Variants in CNTN5 observed in about 807,000 individuals in gnomAD.
CNTN5 encodes contactin-5.
Under a neutral mutation model 129.1 loss-of-function variants are expected in CNTN5, and 77 were observed. The observed-to-expected ratio is 0.60, with a 90% confidence interval of 0.50 to 0.72. The LOEUF (loss-of-function observed/expected upper bound fraction) is 0.72. Among genes scored for constraint, CNTN5 ranks in the 30% least tolerant of loss-of-function variants. The pLI, the probability that CNTN5 is intolerant of heterozygous loss-of-function variation, is 0.00. For missense variants in CNTN5, 1,478 were observed against 1,328.8 expected (o/e 1.11, Z -1.75); for synonymous variants, 509 against 465.6 (o/e 1.09, Z -1.20).
chr11:99,071,341 G>C (rs1591141958), intron 1 of CNTN5, among the ~76,000 whole-genome samples: 1 of 152,040 alleles, frequency 6.6e-6, no homozygotes, highest in Non-Finnish European at 1.5e-5. Context: ...CCAGTGCTGA[G>C]AGTGATGAGG....
chr11:99,547,165 G>A (rs1225257002), intron 2 of CNTN5, among the ~76,000 whole-genome samples: 1 of 151,770 alleles, frequency 6.6e-6, no homozygotes, highest in Non-Finnish European at 1.5e-5. Flanking sequence ...CACCACACCC[G>A]GCTAATTTTG....
chr11:99,403,923 A>G (rs35586818), intron 2 of CNTN5, among the ~76,000 whole-genome samples: 113,321 of 152,010 alleles, frequency 0.75, 43,106 homozygotes, highest in African/African-American at 0.9. Flanking sequence ...TTTTCTGTCT[A>G]GAAGATTTGT....
intron 3 of CNTN5, among the ~76,000 whole-genome samples, chr11:99,747,192 G>A (rs866141966): frequency 6.6e-6 from 1 of 151,906 alleles, no homozygotes; most frequent in Non-Finnish European, 1.5e-5. Context: ...AAAAAATATT[G>A]CCTTCTTTAT....
At chr11:100,297,994 T>G (rs1951132420) in intron 19 of CNTN5, among the ~76,000 whole-genome samples, 1 of 151,536 alleles carries the variant, frequency 6.6e-6, no homozygotes, top group African/African-American at 2.4e-5. Context: ...TTGTGTCATT[T>G]TATCTATCTC....
At position 99,526,327 on chromosome 11, in the gene CNTN5, T is replaced by TA. The variant is rs1330225425; in HGVS notation, c.-70-29818_-70-29817insA. 3.9e-5 allele frequency among the ~76,000 whole-genome samples: 6 copies of TA among 152,306 alleles called. No individual in the cohort carries two copies. The East Asian group carries it at 1.2e-3, about 29-fold the overall frequency. ...GGAACAAGACCTACCAGCCACTGTG[T>TA]GGTCTCCTTTGATACTTAGAACAGC... On this transcript the variant is annotated intron_variant, in intron 2 of 24. Transcript: ENST00000524871.
intron 1 of CNTN5, among the ~76,000 whole-genome samples, chr11:99,301,694 A>C (rs1206476780): frequency 6.6e-6 from 1 of 151,814 alleles, no homozygotes; most frequent in Non-Finnish European, 1.5e-5. Context: ...GCAGAAGAGA[A>C]ACAAGAAAGT....
chr11:100,295,268 G>A (rs1255494205), intron 18 of CNTN5, among the ~76,000 whole-genome samples: 1 of 151,466 alleles, frequency 6.6e-6, no homozygotes, highest in Non-Finnish European at 1.5e-5. Context: ...ACCTCACGGA[G>A]CTGATTTCAA....
chr11:99,742,363 G>GTACT (rs5794016), intron 3 of CNTN5, among the ~76,000 whole-genome samples: 94,737 of 151,458 alleles, frequency 0.63, 30,651 homozygotes, highest in East Asian at 0.87. Context: ...ACATCAGATT[G>GTACT]TACTTAACAC....
intron 2 of CNTN5, among the ~76,000 whole-genome samples, chr11:99,423,846 A>G (rs1252405299): frequency 6.6e-6 from 1 of 151,042 alleles, no homozygotes; most frequent in African/African-American, 2.4e-5. Flanking sequence ...AGTGATTTCG[A>G]CTAGGGTGGG....
chr11:100,114,884 C>T (rs1056290450), intron 13 of CNTN5, among the ~76,000 whole-genome samples: 1 of 151,748 alleles, frequency 6.6e-6, no homozygotes, highest in Non-Finnish European at 1.5e-5. Flanking sequence ...TTTGTGAAGT[C>T]GATATTAATG....
At chr11:100,026,461 A>G (rs534860172) in intron 9 of CNTN5, among the ~76,000 whole-genome samples, 27 of 152,280 alleles carry the variant, frequency 1.8e-4, no homozygotes, top group African/African-American at 6.5e-4. Context: ...GAAACTGGCA[A>G]ACTGATTTCC....
At chr11:99,958,090 G>T (rs1387432306) in intron 8 of CNTN5, among the ~76,000 whole-genome samples, 2 of 152,066 alleles carry the variant, frequency 1.3e-5, no homozygotes, top group East Asian at 3.9e-4. Flanking sequence ...CAGTATTAAA[G>T]AAATGATGAA....
intron 2 of CNTN5, among the ~76,000 whole-genome samples, chr11:99,471,894 C>T (rs1467155182): frequency 6.6e-6 from 1 of 152,096 alleles, no homozygotes; most frequent in East Asian, 1.9e-4. Context: ...CAATACCTAT[C>T]ATGATGCCTA....
At chr11:99,503,144 C>T (rs779757936) in intron 2 of CNTN5, among the ~76,000 whole-genome samples, 1 of 152,026 alleles carries the variant, frequency 6.6e-6, no homozygotes, top group Non-Finnish European at 1.5e-5. Context: ...TTATACTATG[C>T]GTATTCCTCT....
intron 1 of CNTN5, among the ~76,000 whole-genome samples, chr11:99,095,846 T>A (rs1383669944): frequency 6.6e-6 from 1 of 151,944 alleles, no homozygotes; most frequent in African/African-American, 2.4e-5. Flanking sequence ...AAGAACAAGA[T>A]AACTTACATT....
At chr11:99,953,714 G>T (rs1241043998) in intron 7 of CNTN5, among the ~76,000 whole-genome samples, 1 of 152,196 alleles carries the variant, frequency 6.6e-6, no homozygotes, top group African/African-American at 2.4e-5. Flanking sequence ...GCCCAAGTCA[G>T]ACTCCAGATG....
intron 1 of CNTN5, among the ~76,000 whole-genome samples, chr11:99,281,587 T>C (rs1863698207): frequency 6.6e-6 from 1 of 151,956 alleles, no homozygotes; most frequent in African/African-American, 2.4e-5. Flanking sequence ...CTCACCTGCT[T>C]TCATTTATGA....
At chr11:99,964,807 G>A (rs1951049206) in intron 8 of CNTN5, among the ~76,000 whole-genome samples, 1 of 151,994 alleles carries the variant, frequency 6.6e-6, no homozygotes, top group African/African-American at 2.4e-5. Context: ...TTTTTGGTTG[G>A]TAAGCTATTA....
At chr11:99,801,733 A>G (rs534273206) in intron 3 of CNTN5, among the ~76,000 whole-genome samples, 1 of 152,258 alleles carries the variant, frequency 6.6e-6, no homozygotes, top group East Asian at 1.9e-4. Flanking sequence ...AAATATTTCA[A>G]TTCTATTTTG....
Sources: gnomAD v4.1 joint callset for allele counts (sites outside exome capture counted in the v4.1 genomes callset) on GRCh38, gnomAD v4.1.1 for gene constraint, MANE v1.5 for transcripts, NCBI Gene and HGNC (gene_info 2026-07-23, HGNC 2026-07-21) for gene names.